Variants in SPAG1 observed in about 807,000 individuals in gnomAD.
The protein encoded by SPAG1 is sperm associated antigen 1, also known as sperm-associated antigen 1.
Under a neutral mutation model 100.5 loss-of-function variants are expected in SPAG1, and 69 were observed. The ratio of observed to expected loss-of-function variants is 0.69; its 90% CI spans 0.57 to 0.84. The LOEUF is 0.84. SPAG1 is among the 40% of genes least tolerant of loss of function. SPAG1 has a pLI of 0.00. For missense variants in SPAG1, 955 were observed against 1,133.1 expected (o/e 0.84, Z 2.26); for synonymous variants, 336 against 411.6 (o/e 0.82, Z 2.22).
At chr8:100,209,272 A>G (rs1817624355) in intron 10 of SPAG1, among the ~76,000 whole-genome samples, 1 of 151,104 alleles carries the variant, frequency 6.6e-6, no homozygotes, top group Non-Finnish European at 1.5e-5. Flanking sequence ...TGATCATGTA[A>G]GTTAATACTG....
Position 100,168,876 on chromosome 8 carries a change from A to G in SPAG1, c.300+2903A>G, listed in dbSNP as rs111941985. ...CTAATGTCGTATTTTTAGTAGAGACAAGGTTTCTCCATGTTGGTCAGGCTG... is the reference window on the plus strand; with the variant it reads ...CTAATGTCGTATTTTTAGTAGAGACGAGGTTTCTCCATGTTGGTCAGGCTG... On this transcript the variant is annotated intron_variant, in intron 3 of 18. Transcript: ENST00000388798. Among the ~76,000 whole-genome samples the G allele has an allele frequency of 4.7e-3, 715 of 151,698 alleles. 10 individuals carry two copies. The highest frequency in any genetic ancestry group is 0.017 in the African/African-American group (698 of 41,328).
At chr8:100,202,391 G>T (rs1287062028) in intron 10 of SPAG1, among the ~76,000 whole-genome samples, 2 of 151,608 alleles carry the variant, frequency 1.3e-5, no homozygotes, top group Admixed American at 1.3e-4. Context: ...TTTTCCTACT[G>T]AATAGACTTG....
chr8:100,239,115 G>C lies in SPAG1; in HGVS notation c.2116-125G>C, dbSNP rs1237390742. On this transcript the variant is annotated intron_variant, in intron 16 of 18. Transcript: ENST00000388798. This position sits in a 1 kb window ranked among gnomAD's most constrained non-coding sequence, Gnocchi z 5.0. ...TTCACCCCACAGGCTCACTTTGTAA[G>C]AGTGGTATTAATGTGGACCCTGCAC... is the stretch of plus-strand genomic sequence containing the variant. 4 of 506,870 alleles carry C rather than the reference G, an allele frequency of 7.9e-6. No homozygotes were observed. Among genetic ancestry groups the C allele is most frequent in the Non-Finnish European group, 1.0e-5 (3 of 286,476 alleles). 31.4% of individuals were successfully genotyped at this position (506,870 alleles called of 1,614,324 possible).
At chr8:100,196,637 T>C (rs914449660) in intron 10 of SPAG1, among the ~76,000 whole-genome samples, 1 of 152,188 alleles carries the variant, frequency 6.6e-6, no homozygotes, top group Non-Finnish European at 1.5e-5. Flanking sequence ...GTCTGTAGCT[T>C]TTTTCATTCT....
chr8:100,164,869 A>C (rs1815480078), intron 2 of SPAG1, among the ~76,000 whole-genome samples: 1 of 152,256 alleles, frequency 6.6e-6, no homozygotes, highest in East Asian at 1.9e-4. Context: ...AATTCTTTTT[A>C]TATTTTTAAC....
intron 13 of SPAG1, among the ~76,000 whole-genome samples, chr8:100,223,702 T>G (rs1388608117): frequency 6.6e-6 from 1 of 152,052 alleles, no homozygotes; most frequent in East Asian, 1.9e-4. Flanking sequence ...ACTTATTTAT[T>G]CCCTGGCAAC....
At chr8:100,171,879 A>T (rs1815869243) in intron 3 of SPAG1, among the ~76,000 whole-genome samples, 1 of 152,002 alleles carries the variant, frequency 6.6e-6, no homozygotes, top group African/African-American at 2.4e-5. Context: ...AGGCCAGAAG[A>T]AATCCCTTTA....
chr8:100,223,094 C>G (rs964266283), intron 13 of SPAG1, among the ~76,000 whole-genome samples: 8 of 152,198 alleles, frequency 5.3e-5, no homozygotes, highest in African/African-American at 1.7e-4. Context: ...TGGATCAGTA[C>G]TTCATTGCTT....
In SPAG1 at chr8:100,241,081, A is replaced by G; in HGVS notation, c.*59A>G. ...TATGTGTTCCAGGAATGTTAATGAG[A>G]TGGTATTGTAAAAGAGTTGCATGGA... On this transcript the variant is annotated 3_prime_UTR_variant, in exon 19 of 19. Transcript: ENST00000388798. This position sits in a 1 kb window ranked among gnomAD's most constrained non-coding sequence, Gnocchi z 5.1. 1.3e-6 allele frequency: 2 copies of G among 1,565,110 alleles called. No individual in the cohort carries two copies. Among genetic ancestry groups the G allele is most frequent in the Admixed American group, 3.8e-5 (2 of 53,100 alleles).
intron 1 of SPAG1, among the ~76,000 whole-genome samples, chr8:100,159,800 A>G (rs1223671892): frequency 6.6e-6 from 1 of 152,244 alleles, no homozygotes; most frequent in Admixed American, 6.5e-5. Flanking sequence ...TGCTACCTGC[A>G]GTTTGAAAAT....
intron 10 of SPAG1, among the ~76,000 whole-genome samples, chr8:100,209,853 A>C (rs185510254): frequency 1.4e-3 from 212 of 151,480 alleles, no homozygotes; most frequent in African/African-American, 4.9e-3. Context: ...CAACTTAGCT[A>C]AATTTGTTTA....
chr8:100,215,965 A>G lies in SPAG1; in HGVS notation c.1535+2047A>G, dbSNP rs2132366776. Among the ~76,000 whole-genome samples the G allele has an allele frequency of 2.0e-5, 3 of 152,356 alleles. 1 individual carries two copies. In the South Asian group the frequency reaches 6.2e-4, roughly 32 times the overall value. On this transcript the variant is annotated intron_variant, in intron 12 of 18. Coordinates refer to ENST00000388798, the MANE Select transcript of SPAG1 (RefSeq NM_003114.5). ...CTTATATTCTCTTTGGCCTGACATC[A>G]GACCGCATCCTCAGTTGTGCTGGCT... is the stretch of plus-strand genomic sequence containing the variant.
At chr8:100,214,758 G>A (rs1817890143) in intron 12 of SPAG1, among the ~76,000 whole-genome samples, 1 of 151,908 alleles carries the variant, frequency 6.6e-6, no homozygotes, top group Admixed American at 6.6e-5. Flanking sequence ...CAAGGTGGGT[G>A]GATTGCTTGA....
At chr8:100,233,325 AT>A (rs1818861561) in intron 15 of SPAG1, 85 bp from the exon 16 acceptor site, 4 of 1,442,280 alleles carry the variant, frequency 2.8e-6, no homozygotes. Context: ...ATATTGAGCT[AT>A]TTTCTGATTT....
At chr8:100,203,466 G>T (rs1434844039) in intron 10 of SPAG1, among the ~76,000 whole-genome samples, 1 of 152,066 alleles carries the variant, frequency 6.6e-6, no homozygotes, top group African/African-American at 2.4e-5. Flanking sequence ...TTCTGGAGTT[G>T]GCTACTTAAT....
At chr8:100,225,881 G>A (rs192948762) in intron 14 of SPAG1, among the ~76,000 whole-genome samples, 308 of 152,028 alleles carry the variant, frequency 2.0e-3, no homozygotes, top group Middle Eastern at 3.4e-3. Flanking sequence ...CACCCAGGGT[G>A]GAGTCCAGTG....
At chr8:100,221,445 A>G (rs535413816) in intron 13 of SPAG1, among the ~76,000 whole-genome samples, 1 of 152,348 alleles carries the variant, frequency 6.6e-6, no homozygotes, top group South Asian at 2.1e-4. Context: ...AAATTTGAAA[A>G]TTAACTAGTT....
chr8:100,171,423 T>C (rs553165478), intron 3 of SPAG1, among the ~76,000 whole-genome samples: 1 of 152,322 alleles, frequency 6.6e-6, no homozygotes, highest in South Asian at 2.1e-4. Flanking sequence ...TTGGTATTAT[T>C]TCTTTCTTAA....
At chr8:100,226,396 T>C (rs1372274914) in intron 14 of SPAG1, among the ~76,000 whole-genome samples, 1 of 152,164 alleles carries the variant, frequency 6.6e-6, no homozygotes, top group Non-Finnish European at 1.5e-5. Flanking sequence ...TGTAAACCTG[T>C]AGTAACCTCT....
Sources: gnomAD v4.1 joint callset for allele counts (sites outside exome capture counted in the v4.1 genomes callset) on GRCh38, gnomAD v4.1.1 for gene constraint, Gnocchi (gnomAD v3.1) non-coding constraint, MANE v1.5 for transcripts, NCBI Gene and HGNC (gene_info 2026-07-23, HGNC 2026-07-21) for gene names.